BIRC6: variants seen among roughly 807,000 people sequenced by gnomAD.
BIRC6 encodes the protein baculoviral IAP repeat containing 6.
A neutral mutation model predicts 503.3 loss-of-function variants in BIRC6; 98 were observed. The ratio of observed to expected loss-of-function variants is 0.19; its 90% CI spans 0.17 to 0.23. The LOEUF is 0.23. Among genes scored for constraint, BIRC6 ranks in the 10% least tolerant of loss-of-function variants. The probability of loss-of-function intolerance (pLI) is 1.00; values close to 1 mark genes in which losing one functional copy is unlikely to be tolerated. For missense variants in BIRC6, 5,360 were observed against 5,806.0 expected, an observed-to-expected ratio of 0.92 and a Z score of 2.50; for synonymous variants, 2,240 against 2,078.7, an observed-to-expected ratio of 1.08 and a Z score of -2.11.
At position 32,481,398 on chromosome 2, in the gene BIRC6, T is replaced by G; in HGVS notation, c.7487T>G (p.Ile2496Ser). Residue 2496 changes from isoleucine to serine, a missense_variant, in exon 38 of 74, where the codon ATT (isoleucine) becomes AGT (serine). Physicochemically the swap from Ile to Ser is moderately radical, Grantham distance 142 (BLOSUM62 -2). This residue lies in a region of BIRC6 where 2,299 missense variants were observed against 2,267.2 expected (regional missense o/e 1.01). Coordinates refer to ENST00000421745, the MANE Select transcript of BIRC6 (RefSeq NM_016252.4). ...ELLQDLMEVD[I>S]DPLDIDLEKD... Reference sequence around the variant, plus strand: ...CTTCAGGATCTAATGGAAGTTGACATTGATCCTTTAGATATTGATTTGGAA... The same window carrying G: ...CTTCAGGATCTAATGGAAGTTGACAGTGATCCTTTAGATATTGATTTGGAA... 1 of 1,612,494 alleles carries G rather than the reference T, an allele frequency of 6.2e-7. No homozygotes were observed. Among genetic ancestry groups the G allele is most frequent in the Non-Finnish European group, 8.5e-7 (1 of 1,179,068 alleles).
intron 32 of BIRC6, 46 bp downstream of exon 32, chr2:32,471,170 A>G: frequency 6.5e-7 from 1 of 1,544,134 alleles, no homozygotes; most frequent in Non-Finnish European, 8.8e-7. Context: ...AGTTTATAAT[A>G]ATATGTTGGT....
Position 32,493,588 on chromosome 2 carries a change from C to G in BIRC6, c.8389C>G (p.Gln2797Glu). The change falls in exon 45 of 74, where the codon CAA (glutamine) becomes GAA (glutamate). Residue 2797 changes from glutamine to glutamate, a missense_variant. Gln to Glu is a conservative substitution (Grantham distance 29). This residue lies in a region of BIRC6 where 2,299 missense variants were observed against 2,267.2 expected (regional missense o/e 1.01). Coordinates refer to ENST00000421745, the MANE Select transcript of BIRC6 (RefSeq NM_016252.4). ...TATGCAAGAATTTCTTACTCGATTA[C>G]AAGTGCATCTTTCTTCAACATGTCC... ...QAMQEFLTRL[Q>E]VHLSSTCPQI... 6.2e-7 allele frequency: 1 copy of G among 1,609,750 alleles called. No homozygotes were observed. The highest frequency in any genetic ancestry group is 8.5e-7 in the Non-Finnish European group (1 of 1,176,938).
At chr2:32,494,458 C>G (rs917007892) in intron 45 of BIRC6, among the ~76,000 whole-genome samples, 7 of 151,426 alleles carry the variant, frequency 4.6e-5, no homozygotes, top group African/African-American at 1.7e-4. Flanking sequence ...GATCTCCTGA[C>G]CTCGTGATCC....
intron 42 of BIRC6, among the ~76,000 whole-genome samples, chr2:32,489,598 G>A (rs2051442926): frequency 6.6e-6 from 1 of 152,126 alleles, no homozygotes; most frequent in Admixed American, 6.5e-5. Flanking sequence ...GATCCCTTGA[G>A]GGCAGGAATT....
At chr2:32,363,920 T>C (rs924323386) in intron 1 of BIRC6, among the ~76,000 whole-genome samples, 1 of 152,226 alleles carries the variant, frequency 6.6e-6, no homozygotes, top group African/African-American at 2.4e-5. Flanking sequence ...GTTCACTAAA[T>C]GTTTATACAT....
At chr2:32,372,284 A>G (rs1032172722) in intron 1 of BIRC6, among the ~76,000 whole-genome samples, 1 of 152,122 alleles carries the variant, frequency 6.6e-6, no homozygotes, top group East Asian at 1.9e-4. Flanking sequence ...CTGTGGTATC[A>G]CTTTGTAGTC....
intron 51 of BIRC6, among the ~76,000 whole-genome samples, chr2:32,509,277 CAG>C (rs1305713686): frequency 6.6e-6 from 1 of 152,170 alleles, no homozygotes; most frequent in East Asian, 1.9e-4. Context: ...TGTTTTGAGA[CAG>C]AGTCTCACCC....
chr2:32,359,799 C>A (rs1460001244), intron 1 of BIRC6, among the ~76,000 whole-genome samples: 1 of 152,080 alleles, frequency 6.6e-6, no homozygotes, highest in African/African-American at 2.4e-5. Context: ...GAACTTCCGG[C>A]CTCAAATGAT....
chr2:32,510,150 G>C (rs1001286803), intron 52 of BIRC6, among the ~76,000 whole-genome samples, 156 bp downstream of exon 52: 5 of 152,118 alleles, frequency 3.3e-5, no homozygotes, highest in Non-Finnish European at 7.4e-5. Flanking sequence ...TCACTCTGTT[G>C]CCCAGGCTGG....
chr2:32,392,254 T>C, intron 5 of BIRC6, 104 bp downstream of exon 5: 1 of 776,424 alleles, frequency 1.3e-6, no homozygotes, highest in Non-Finnish European at 2.1e-6. Context: ...TTTGTGCACC[T>C]TGTATGCTTG....
intron 28 of BIRC6, 146 bp downstream of exon 28, chr2:32,468,257 CTT>C (rs1233179807): frequency 2.0e-6 from 2 of 994,084 alleles, no homozygotes; most frequent in South Asian, 1.7e-5. Context: ...TACAATAACA[CTT>C]AATGCGTGAA....
At chr2:32,381,989 TTTA>T (rs1310479798) in intron 3 of BIRC6, among the ~76,000 whole-genome samples, 29 of 152,308 alleles carry the variant, frequency 1.9e-4, no homozygotes, top group Admixed American at 5.9e-4. Context: ...GATGGGGCAT[TTTA>T]TTTAGGAAAA....
intron 59 of BIRC6, chr2:32,528,965 AAAG>A (rs971648394): frequency 1.3e-5 from 2 of 152,182 alleles, no homozygotes; most frequent in African/African-American, 4.8e-5. Context: ...AAAGAAAAAA[AAAG>A]AAATCTGAAA....
At chr2:32,528,755 G>A (rs573410444) in intron 59 of BIRC6, 4 of 152,138 alleles carry the variant, frequency 2.6e-5, no homozygotes, top group Non-Finnish European at 5.9e-5. Context: ...TGACACCTTT[G>A]CTTTCTGATG....
At chr2:32,593,273 A>G (rs1386469110) in intron 66 of BIRC6, among the ~76,000 whole-genome samples, 1 of 152,206 alleles carries the variant, frequency 6.6e-6, no homozygotes, top group Non-Finnish European at 1.5e-5. Flanking sequence ...ACATTTATCT[A>G]GAAAATTTAA....
intron 3 of BIRC6, among the ~76,000 whole-genome samples, chr2:32,382,023 T>G (rs973988245): frequency 6.6e-6 from 1 of 152,210 alleles, no homozygotes; most frequent in Non-Finnish European, 1.5e-5. Context: ...CCTATGAGTT[T>G]CAACAGAGAT....
In BIRC6 at chr2:32,481,400, G is replaced by C. The variant is rs758891743; in HGVS notation, c.7489G>C (p.Asp2497His). The change falls in exon 38 of 74, where the codon GAT (aspartate) becomes CAT (histidine). Residue 2497 changes from aspartate (D) to histidine (H), a missense_variant. Physicochemically the swap from Asp to His is moderately conservative, Grantham distance 81 (BLOSUM62 -1). Coordinates refer to ENST00000421745, the MANE Select transcript of BIRC6 (RefSeq NM_016252.4). ...TCAGGATCTAATGGAAGTTGACATT[G>C]ATCCTTTAGATATTGATTTGGAAAA... The part of the protein sequence containing the change: ...LLQDLMEVDI[D>H]PLDIDLEKDP... 6.2e-7 allele frequency: 1 copy of C among 1,612,088 alleles called. No individual in the cohort carries two copies. Among genetic ancestry groups the C allele is most frequent in the South Asian group, 1.1e-5 (1 of 90,824 alleles).
intron 8 of BIRC6, among the ~76,000 whole-genome samples, chr2:32,401,980 G>C (rs2040652095): frequency 6.6e-6 from 1 of 152,166 alleles, no homozygotes; most frequent in South Asian, 2.1e-4. Flanking sequence ...ATTCGAACTA[G>C]ATGATTTCAG....
chr2:32,614,994 A>G (rs2151792499), intron 73 of BIRC6, among the ~76,000 whole-genome samples: 1 of 152,324 alleles, frequency 6.6e-6, no homozygotes, highest in African/African-American at 2.4e-5. Flanking sequence ...TAGGCTGTAC[A>G]GGAAGCATGG....
Sources: allele counts gnomAD v4.1 joint callset (sites outside exome capture counted in the v4.1 genomes callset), GRCh38; gene constraint gnomAD v4.1.1; regional missense constraint gnomAD v4.1.1; transcripts MANE v1.5; gene names NCBI Gene and HGNC (gene_info 2026-07-23, HGNC 2026-07-21).